The following AFG2B variants were observed in gnomAD, a reference collection of about 807,000 sequenced individuals.
AFG2B encodes AAA ATPase AFG2B.
chr15:45,404,818 A>G, the AFG2B span, among the ~76,000 whole-genome samples: 1 of 151,030 alleles, frequency 6.6e-6, no homozygotes, highest in African/African-American at 2.4e-5. Flanking sequence ...AAAAAAAAAA[A>G]AAAAAGAAAA....
At chr15:45,421,094 CAA>C in the AFG2B span, 54 of 1,613,456 alleles carry the variant, frequency 3.3e-5, no homozygotes, top group East Asian at 1.3e-4. Flanking sequence ...TACAGTGAAA[CAA>C]GAGCACTTTC....
the AFG2B span, chr15:45,403,124 C>G: frequency 1.3e-6 from 2 of 1,489,072 alleles, no homozygotes; most frequent in Non-Finnish European, 1.8e-6. Context: ...CTGGGCTTAG[C>G]GGTGCCTCGC....
At chr15:45,418,681 A>G in the AFG2B span, 1 of 1,597,562 alleles carries the variant, frequency 6.3e-7, no homozygotes, top group Non-Finnish European at 8.5e-7. Context: ...CTCTGCACAG[A>G]AGTAAGTTAA....
chr15:45,420,317 C>T, the AFG2B span, among the ~76,000 whole-genome samples: 1 of 152,064 alleles, frequency 6.6e-6, no homozygotes, highest in East Asian at 1.9e-4. Context: ...GTTCCCGTGT[C>T]TATTTATGTC....
chr15:45,418,662 C>T, the AFG2B span: 2 of 1,613,534 alleles, frequency 1.2e-6, no homozygotes, highest in Non-Finnish European at 1.7e-6. Flanking sequence ...TGGAGCTGAT[C>T]TTAGAAACCT....
the AFG2B span, chr15:45,418,812 A>G: frequency 4.1e-6 from 5 of 1,216,840 alleles, no homozygotes; most frequent in Non-Finnish European, 1.1e-6. Context: ...ATGTGGCCCC[A>G]TCCCTCACAC....
chr15:45,418,784 G>C, the AFG2B span: 4 of 1,447,930 alleles, frequency 2.8e-6, no homozygotes, highest in Non-Finnish European at 3.7e-6. Context: ...GTGGTACCAT[G>C]TGATGTGAAA....
chr15:45,410,480 G>C, the AFG2B span: 1 of 1,612,698 alleles, frequency 6.2e-7, no homozygotes, highest in African/African-American at 1.3e-5. Context: ...CAAGCCTGTT[G>C]ACTGGGAGGA....
At chr15:45,402,996 G>A in the AFG2B span, 4 of 1,589,968 alleles carry the variant, frequency 2.5e-6, no homozygotes, top group Non-Finnish European at 3.4e-6. Context: ...TTGGCGGGGA[G>A]CCTCCGTCGG....
the AFG2B span, among the ~76,000 whole-genome samples, chr15:45,415,388 C>T: frequency 6.6e-6 from 1 of 151,570 alleles, no homozygotes; most frequent in African/African-American, 2.4e-5. Context: ...ATCTCAGCTA[C>T]TCGAGAGACT....
chr15:45,405,554 A>C, the AFG2B span: 1 of 1,564,434 alleles, frequency 6.4e-7, no homozygotes, highest in Non-Finnish European at 8.7e-7. Context: ...TTATTGTAAC[A>C]GATTAATTTG....
chr15:45,402,880 G>A, the AFG2B span: 41 of 1,598,330 alleles, frequency 2.6e-5, no homozygotes, highest in Non-Finnish European at 3.3e-5. Context: ...CCACGTGGTG[G>A]TCGCTCCGCC....
chr15:45,419,579 C>T, the AFG2B span, among the ~76,000 whole-genome samples: 1 of 152,138 alleles, frequency 6.6e-6, no homozygotes, highest in Non-Finnish European at 1.5e-5. Flanking sequence ...CAGAAAAATG[C>T]ACGGATCATA....
the AFG2B span, among the ~76,000 whole-genome samples, chr15:45,408,809 C>T: frequency 1.3e-5 from 2 of 152,136 alleles, no homozygotes; most frequent in African/African-American, 4.8e-5. Flanking sequence ...CACTTGAGCC[C>T]AGGTGTTCGA....
At chr15:45,417,519 T>C in the AFG2B span, 1 of 943,914 alleles carries the variant, frequency 1.1e-6, no homozygotes, top group Non-Finnish European at 1.5e-6. Flanking sequence ...TGGTGGCCTT[T>C]CATGACATCA....
the AFG2B span, among the ~76,000 whole-genome samples, chr15:45,418,141 C>T: frequency 6.6e-6 from 1 of 151,776 alleles, no homozygotes; most frequent in African/African-American, 2.4e-5. Context: ...GTCAGGAGTT[C>T]GAGACTAGCC....
chr15:45,412,852 C>T, the AFG2B span, among the ~76,000 whole-genome samples: 4 of 151,950 alleles, frequency 2.6e-5, no homozygotes, highest in African/African-American at 7.2e-5. Context: ...CTCTCACCTG[C>T]GTTACAGTTT....
the AFG2B span, among the ~76,000 whole-genome samples, chr15:45,413,762 C>T: frequency 2.0e-5 from 3 of 152,318 alleles, no homozygotes; most frequent in East Asian, 5.8e-4. Flanking sequence ...AACACCGTTG[C>T]TCCTTGCTGG....
the AFG2B span, chr15:45,414,466 C>G: frequency 9.6e-7 from 1 of 1,046,936 alleles, no homozygotes; most frequent in South Asian, 1.5e-5. Flanking sequence ...GTTTCCAGCT[C>G]ATAATAGGAG....
Sources: allele counts gnomAD v4.1 joint callset (sites outside exome capture counted in the v4.1 genomes callset), GRCh38; gene constraint gnomAD v4.1.1; transcripts MANE v1.5; gene names NCBI Gene and HGNC (gene_info 2026-07-23, HGNC 2026-07-21).